Variants in OTOGL observed in about 807,000 individuals in gnomAD.
OTOGL encodes the protein otogelin-like protein.
OTOGL carries 285 observed loss-of-function variants against 318.5 expected under a neutral mutation model. That is an observed-to-expected ratio of 0.89 (90% CI 0.81 to 0.99). The LOEUF (loss-of-function observed/expected upper bound fraction) is 0.99. OTOGL is among the 50% of genes least tolerant of loss of function. The pLI is 0.00. For missense variants in OTOGL, 2,899 were observed against 2,845.6 expected, an observed-to-expected ratio of 1.02 and a Z score of -0.43; for synonymous variants, 987 against 936.5, an observed-to-expected ratio of 1.05 and a Z score of -0.99.
At chr12:80,150,259 G>A (rs1872703442) in intron 1 of OTOGL, among the ~76,000 whole-genome samples, 1 of 151,932 alleles carries the variant, frequency 6.6e-6, no homozygotes, top group Admixed American at 6.6e-5. Flanking sequence ...AATTATATTT[G>A]TCCTCTATGT....
At chr12:80,250,683 G>A (rs12315608) in intron 11 of OTOGL, among the ~76,000 whole-genome samples, 5 of 152,170 alleles carry the variant, frequency 3.3e-5, no homozygotes, top group African/African-American at 4.8e-5. Context: ...TCCCATTACA[G>A]TAGCACAGGA....
chr12:80,376,504 C>G (rs960667000), intron 57 of OTOGL, among the ~76,000 whole-genome samples: 1 of 152,082 alleles, frequency 6.6e-6, no homozygotes, highest in Non-Finnish European at 1.5e-5. Context: ...ATTACACACA[C>G]AGACACATAT....
At chr12:80,372,203 G>GT (rs1890919471) in intron 57 of OTOGL, 139 bp downstream of exon 57, 1 of 529,176 alleles carries the variant, frequency 1.9e-6, no homozygotes, top group African/African-American at 2.0e-5. Flanking sequence ...TGTATCGTAT[G>GT]TTTTTTGTAT....
chr12:80,321,255 C>G (rs1887313358), intron 34 of OTOGL, among the ~76,000 whole-genome samples: 1 of 152,188 alleles, frequency 6.6e-6, no homozygotes. Context: ...GCAAGCTTCA[C>G]TCCTTTATGC....
chr12:80,307,958 C>T (rs1463627616), intron 29 of OTOGL, among the ~76,000 whole-genome samples: 5 of 138,762 alleles, frequency 3.6e-5, no homozygotes, highest in East Asian at 2.2e-4. Context: ...AGCGGCTGGC[C>T]GGGCAGAGGG....
chr12:80,128,548 C>G (rs981951570), intron 1 of OTOGL, among the ~76,000 whole-genome samples: 13 of 152,190 alleles, frequency 8.5e-5, no homozygotes, highest in Non-Finnish European at 1.6e-4. Context: ...GCTGGGAGAA[C>G]CACTACTCTC....
At position 80,336,747 on chromosome 12, in the gene OTOGL, T is replaced by C. The variant is rs781152984; in HGVS notation, c.4744-50T>C. On this transcript the variant is annotated intron_variant, in intron 40 of 58. Coordinates refer to ENST00000547103, the MANE Select transcript of OTOGL (RefSeq NM_001378609.3). Reference sequence around the variant, plus strand: ...AGAGGCATATAAATCCGAATAATGTTTTAAAAAGTCAAATAATGCATTTAA... The same window carrying C: ...AGAGGCATATAAATCCGAATAATGTCTTAAAAAGTCAAATAATGCATTTAA... The C allele has an allele frequency of 7.5e-6, 11 of 1,471,438 alleles. No individual in the cohort carries two copies. The South Asian group carries it at 1.4e-4, about 19-fold the overall frequency. The allele number at this position is 1,471,438 out of a possible 1,614,324, so 91.1% of individuals were successfully genotyped here.
intron 1 of OTOGL, among the ~76,000 whole-genome samples, chr12:80,199,611 G>A (rs1876320384): frequency 6.6e-6 from 1 of 152,096 alleles, no homozygotes; most frequent in African/African-American, 2.4e-5. Flanking sequence ...ACCATCTAAT[G>A]TATGGTTTTA....
chr12:80,164,007 G>A (rs1007698198), intron 1 of OTOGL, among the ~76,000 whole-genome samples: 1 of 152,144 alleles, frequency 6.6e-6, no homozygotes, highest in Non-Finnish European at 1.5e-5. Flanking sequence ...GATGAAAGAT[G>A]GGGACTGAGA....
intron 26 of OTOGL, among the ~76,000 whole-genome samples, chr12:80,284,120 C>T (rs940626557): frequency 1.3e-5 from 2 of 152,218 alleles, no homozygotes; most frequent in South Asian, 4.1e-4. Context: ...TGAGCGAGAA[C>T]ATGTGGTGTT....
chr12:80,308,991 AGAGGG>A (rs752739942), intron 29 of OTOGL, among the ~76,000 whole-genome samples: 468 of 151,312 alleles, frequency 3.1e-3, no homozygotes, highest in Admixed American at 6.1e-3. Context: ...GGGGAGAGGG[AGAGGG>A]AGAGGGAGAG....
chr12:80,127,919 G>A (rs975985717), intron 1 of OTOGL, among the ~76,000 whole-genome samples: 3 of 152,104 alleles, frequency 2.0e-5, no homozygotes, highest in African/African-American at 7.2e-5. Flanking sequence ...CTCTGCATTG[G>A]TTATTCTAGT....
At chr12:80,304,400 C>T (rs992070536) in intron 28 of OTOGL, among the ~76,000 whole-genome samples, 12 of 151,980 alleles carry the variant, frequency 7.9e-5, no homozygotes, top group Admixed American at 5.2e-4. Context: ...TTTGCAAAAA[C>T]ATTGATGTAT....
intron 38 of OTOGL, among the ~76,000 whole-genome samples, chr12:80,334,927 C>T (rs1001892256): frequency 7.2e-5 from 11 of 152,058 alleles, no homozygotes; most frequent in African/African-American, 2.2e-4. Context: ...ACAACTTTTA[C>T]ACAGAAAATT....
At chr12:80,145,789 G>T (rs1872312104) in intron 1 of OTOGL, among the ~76,000 whole-genome samples, 1 of 151,880 alleles carries the variant, frequency 6.6e-6, no homozygotes, top group Non-Finnish European at 1.5e-5. Context: ...TTGTAAGTTG[G>T]ATTCCTAGGT....
At chr12:80,206,685 T>C (rs903143147) in intron 1 of OTOGL, among the ~76,000 whole-genome samples, 8 of 151,096 alleles carry the variant, frequency 5.3e-5, no homozygotes, top group Admixed American at 2.0e-4. Flanking sequence ...AATTGTTTTG[T>C]ATTTTTTTTT....
intron 34 of OTOGL, among the ~76,000 whole-genome samples, chr12:80,322,890 G>T (rs907456184): frequency 1.3e-5 from 2 of 152,096 alleles, no homozygotes; most frequent in African/African-American, 4.8e-5. Flanking sequence ...AAATGTATTT[G>T]GTCTTGCCAT....
At position 80,262,003 on chromosome 12, in the gene OTOGL, C is replaced by G; in HGVS notation, c.1924C>G (p.Leu642Val). ...PSGMIEGTPQ[L>V]HANAWRVSST... ...AGGCATGATAGAAGGTACACCACAA[C>G]TTCACGCAAATGCGTGGAGAGTTTC... The change falls in exon 19 of 59, where the codon CTT (leucine) becomes GTT (valine). Residue 642 changes from leucine to valine, a missense_variant. By Grantham distance (32) the Leu-to-Val change is conservative (BLOSUM62 1). This residue lies in a region of OTOGL where 2,607 missense variants were observed against 2,524.9 expected (regional missense o/e 1.03). Transcript: ENST00000547103. 1 of 1,613,042 alleles carries G rather than the reference C, an allele frequency of 6.2e-7. No individual in the cohort carries two copies. The highest frequency in any genetic ancestry group is 8.5e-7 in the Non-Finnish European group (1 of 1,179,322).
chr12:80,229,755 C>T (rs1029438126), intron 8 of OTOGL, among the ~76,000 whole-genome samples: 19 of 151,838 alleles, frequency 1.3e-4, no homozygotes, highest in African/African-American at 2.2e-4. Flanking sequence ...TTCTTTGAAG[C>T]AGAAACTTAA....
Sources: allele counts gnomAD v4.1 joint callset (sites outside exome capture counted in the v4.1 genomes callset), GRCh38; gene constraint gnomAD v4.1.1; regional missense constraint gnomAD v4.1.1; transcripts MANE v1.5; gene names NCBI Gene and HGNC (gene_info 2026-07-23, HGNC 2026-07-21).